PTPN2: variants seen among roughly 807,000 people sequenced by gnomAD.
The protein encoded by PTPN2 is protein tyrosine phosphatase non-receptor type 2, also known as tyrosine-protein phosphatase non-receptor type 2.
In PTPN2, 19 loss-of-function variants were observed where a neutral mutation model predicts 57.3. That is an observed-to-expected ratio of 0.33 (90% CI 0.23 to 0.49). PTPN2 has a LOEUF of 0.49. Ranked by LOEUF, PTPN2 falls within the 20% of genes least tolerant of loss-of-function variation. The pLI is 0.99. For synonymous variants in PTPN2, 153 were observed against 164.9 expected (o/e 0.93, Z 0.55); for missense variants, 358 against 501.1 (o/e 0.71, Z 2.73).
intron 2 of PTPN2, among the ~76,000 whole-genome samples, chr18:12,850,923 A>G (rs189683486): frequency 1.3e-5 from 2 of 152,210 alleles, no homozygotes; most frequent in Admixed American, 6.5e-5. Context: ...TATTTTTAGT[A>G]GAGACGAGGT....
At chr18:12,834,064 C>A (rs573932964) in intron 3 of PTPN2, among the ~76,000 whole-genome samples, 1 of 152,110 alleles carries the variant, frequency 6.6e-6, no homozygotes, top group Non-Finnish European at 1.5e-5. Context: ...CGGTGGCTCA[C>A]CCCTGTAATC....
chr18:12,860,548 G>A (rs1192631078), intron 1 of PTPN2, among the ~76,000 whole-genome samples: 2 of 152,164 alleles, frequency 1.3e-5, no homozygotes, highest in Non-Finnish European at 2.9e-5. Flanking sequence ...AGTGAGCCGA[G>A]GTCGTACCAC....
At chr18:12,812,527 AG>A (rs2041926900) in intron 7 of PTPN2, among the ~76,000 whole-genome samples, 1 of 152,188 alleles carries the variant, frequency 6.6e-6, no homozygotes, top group African/African-American at 2.4e-5. Flanking sequence ...TGAACCTGGG[AG>A]GCAGAGGCTG....
intron 7 of PTPN2, among the ~76,000 whole-genome samples, chr18:12,807,592 T>TAA (rs1568093195): frequency 1.4e-5 from 1 of 71,312 alleles, no homozygotes; most frequent in Non-Finnish European, 3.1e-5. Context: ...AAAAAATATA[T>TAA]ATATATATAT....
chr18:12,842,089 A>G (rs1253263466), intron 2 of PTPN2, among the ~76,000 whole-genome samples: 1 of 152,132 alleles, frequency 6.6e-6, no homozygotes, highest in African/African-American at 2.4e-5. Flanking sequence ...TATTTTTAGC[A>G]GAGACGGGGT....
chr18:12,834,103 G>C (rs969514129), intron 3 of PTPN2, among the ~76,000 whole-genome samples: 2 of 152,188 alleles, frequency 1.3e-5, no homozygotes, highest in Non-Finnish European at 2.9e-5. Flanking sequence ...AAGACAGGTG[G>C]ATCATCTGAG....
At chr18:12,808,771 C>T (rs1023026321) in intron 7 of PTPN2, among the ~76,000 whole-genome samples, 2 of 152,114 alleles carry the variant, frequency 1.3e-5, no homozygotes, top group African/African-American at 2.4e-5. Context: ...AGCGAGACTC[C>T]GTCTCAAAAG....
Position 12,817,447 on chromosome 18 carries a change from A to G in PTPN2, c.496-82T>C, listed in dbSNP as rs765515825. The G allele has an allele frequency of 1.5e-3, 1,614 of 1,089,632 alleles. 4 individuals carry two copies. Among genetic ancestry groups the G allele is most frequent in the Non-Finnish European group, 2.0e-3 (1,457 of 744,172 alleles). 67.5% of individuals were successfully genotyped at this position (1,089,632 alleles called of 1,614,324 possible). On this transcript the variant is annotated intron_variant, in intron 5 of 8. Transcript: ENST00000309660. ...ACTTCAGAAAGATCATGTGTTTTATATAATTCTTTAAAGCCATATAGGCTG... is the reference window on the plus strand; with the variant it reads ...ACTTCAGAAAGATCATGTGTTTTATGTAATTCTTTAAAGCCATATAGGCTG...
At chr18:12,842,766 C>T (rs1411104497) in intron 2 of PTPN2, among the ~76,000 whole-genome samples, 1 of 152,180 alleles carries the variant, frequency 6.6e-6, no homozygotes, top group African/African-American at 2.4e-5. Context: ...AAAAGGACTG[C>T]TACTTCCATT....
intron 2 of PTPN2, among the ~76,000 whole-genome samples, chr18:12,846,148 G>A (rs1024676111): frequency 9.9e-5 from 15 of 152,054 alleles, no homozygotes; most frequent in East Asian, 3.8e-4. Flanking sequence ...GCATCTTATC[G>A]GGTGGTTCAG....
chr18:12,870,456 T>TAG (rs1211666602), intron 1 of PTPN2, among the ~76,000 whole-genome samples: 647 of 38,562 alleles, frequency 0.017, 20 homozygotes, highest in Non-Finnish European at 0.02. Flanking sequence ...TATATATATA[T>TAG]ATATATAGAG....
intron 2 of PTPN2, among the ~76,000 whole-genome samples, chr18:12,838,281 C>T (rs530508715): frequency 6.6e-6 from 1 of 152,144 alleles, no homozygotes; most frequent in Non-Finnish European, 1.5e-5. Context: ...AGCTAACATG[C>T]GGTAGGAATC....
intron 1 of PTPN2, among the ~76,000 whole-genome samples, chr18:12,882,820 A>G (rs2044705693): frequency 6.6e-6 from 1 of 152,230 alleles, no homozygotes; most frequent in Non-Finnish European, 1.5e-5. Context: ...TGGAAAGGGG[A>G]AAAACCCAGG....
intron 5 of PTPN2, among the ~76,000 whole-genome samples, chr18:12,823,297 C>G (rs1339817178): frequency 6.6e-6 from 1 of 152,188 alleles, no homozygotes; most frequent in Non-Finnish European, 1.5e-5. Context: ...ATGATGGCCT[C>G]AACTCCAGAA....
At chr18:12,860,029 C>T (rs1446850779) in intron 1 of PTPN2, among the ~76,000 whole-genome samples, 2 of 152,060 alleles carry the variant, frequency 1.3e-5, no homozygotes, top group East Asian at 3.9e-4. Flanking sequence ...TGGCTCACAC[C>T]TGTAATACCA....
intron 2 of PTPN2, among the ~76,000 whole-genome samples, chr18:12,840,511 T>C (rs937441789): frequency 6.6e-5 from 10 of 152,226 alleles, no homozygotes; most frequent in Admixed American, 5.2e-4. Context: ...AACCACTGTC[T>C]AGAACCATTT....
At chr18:12,852,669 C>CT in intron 2 of PTPN2, among the ~76,000 whole-genome samples, 1 of 152,344 alleles carries the variant, frequency 6.6e-6, no homozygotes, top group East Asian at 1.9e-4. Context: ...TCATGAGCTG[C>CT]TGCACCCAGC....
intron 3 of PTPN2, among the ~76,000 whole-genome samples, chr18:12,833,857 G>C (rs1484154824): frequency 6.6e-6 from 1 of 152,152 alleles, no homozygotes; most frequent in South Asian, 2.1e-4. Flanking sequence ...AGCTACCTTG[G>C]TAAAAAAGAC....
At chr18:12,841,908 ATTT>A (rs35357115) in intron 2 of PTPN2, among the ~76,000 whole-genome samples, 8 of 137,406 alleles carry the variant, frequency 5.8e-5, no homozygotes, top group Non-Finnish European at 9.7e-5. Context: ...GTATCTCACC[ATTT>A]TTTTTTTTTT....
Sources: allele counts gnomAD v4.1 joint callset (sites outside exome capture counted in the v4.1 genomes callset), GRCh38; gene constraint gnomAD v4.1.1; transcripts MANE v1.5; gene names NCBI Gene and HGNC (gene_info 2026-07-23, HGNC 2026-07-21).